Variants in PRKCB observed in about 807,000 individuals in gnomAD.
PRKCB encodes the protein protein kinase C beta.
In PRKCB, 13 loss-of-function variants were observed where a neutral mutation model predicts 81.5. That is an observed-to-expected ratio of 0.16 (90% CI 0.10 to 0.25). The LOEUF (loss-of-function observed/expected upper bound fraction) is 0.25, where lower values mean the gene tolerates loss of function less well. Among genes scored for constraint, PRKCB ranks in the 10% least tolerant of loss-of-function variants. PRKCB has a pLI of 1.00. For synonymous variants in PRKCB, 335 were observed against 321.4 expected (o/e 1.04, Z -0.45); for missense variants, 509 against 875.7 (o/e 0.58, Z 5.29).
Position 23,875,525 on chromosome 16 carries a change from A to ATG in PRKCB, c.205+38123_205+38124dup, listed in dbSNP as rs1474709565. On this transcript the variant is annotated intron_variant, in intron 2 of 16. Transcript: ENST00000643927. ...TATATATGATGTATATCACACACATATGTGTATATCACACACATATGTATG... is the reference window on the plus strand; with the variant it reads ...TATATATGATGTATATCACACACATATGTGTGTATATCACACACATATGTATG... 9.0e-3 allele frequency among the ~76,000 whole-genome samples: 810 copies of ATG among 90,174 alleles called. 4 individuals carry two copies. Among genetic ancestry groups the ATG allele is most frequent in the South Asian group, 0.05 (62 of 1,246 alleles). The allele number at this position is 90,174 out of a possible 152,430, so 59.2% of individuals were successfully genotyped here. A position where few individuals can be genotyped will look rare whatever the true frequency, so the allele number is the denominator to read the frequency against.
rs78964841 is a variant in PRKCB at position 24,117,239 on chromosome 16, A to C, written c.918+4170A>C. On this transcript the variant is annotated intron_variant, in intron 8 of 16. Coordinates refer to ENST00000643927, the MANE Select transcript of PRKCB (RefSeq NM_002738.7). ...CTTATCTGGAGGAATTCTGAGTGAC[A>C]GTAAAATCGAGCTGCTAGAATTGGG... 9.0e-3 allele frequency among the ~76,000 whole-genome samples: 1,374 copies of C among 152,338 alleles called. 14 individuals carry two copies. Among genetic ancestry groups the C allele is most frequent in the African/African-American group, 0.031 (1,307 of 41,572 alleles).
intron 7 of PRKCB, among the ~76,000 whole-genome samples, chr16:24,110,414 A>G (rs1284314030): frequency 6.7e-6 from 1 of 149,808 alleles, no homozygotes; most frequent in Admixed American, 6.7e-5. Flanking sequence ...GGGTTTCACC[A>G]TGTTGGCCAG....
At chr16:23,966,747 A>T (rs559045387) in intron 2 of PRKCB, among the ~76,000 whole-genome samples, 1 of 152,242 alleles carries the variant, frequency 6.6e-6, no homozygotes, top group South Asian at 2.1e-4. Context: ...CTGAAAGGGG[A>T]ACTATTCCTT....
intron 10 of PRKCB, among the ~76,000 whole-genome samples, chr16:24,157,003 G>C (rs1004791633): frequency 7.2e-6 from 1 of 138,598 alleles, no homozygotes; most frequent in Non-Finnish European, 1.6e-5. Flanking sequence ...GGTGACTAAT[G>C]TTCATTGTAG....
intron 12 of PRKCB, among the ~76,000 whole-genome samples, chr16:24,175,596 A>C (rs1967516632): frequency 6.6e-6 from 1 of 151,746 alleles, no homozygotes; most frequent in Non-Finnish European, 1.5e-5. Context: ...TTCTGTAGAG[A>C]GCATGATGAT....
At chr16:24,078,046 C>T (rs1049277958) in intron 5 of PRKCB, among the ~76,000 whole-genome samples, 1 of 151,938 alleles carries the variant, frequency 6.6e-6, no homozygotes, top group African/African-American at 2.4e-5. Flanking sequence ...GAGCAGATTG[C>T]GGGGCTTCTG....
chr16:23,938,247 A>G (rs1340189686), intron 2 of PRKCB, among the ~76,000 whole-genome samples: 1 of 152,228 alleles, frequency 6.6e-6, no homozygotes, highest in Non-Finnish European at 1.5e-5. Flanking sequence ...GGGAAATGTT[A>G]TCATCTACAT....
intron 2 of PRKCB, among the ~76,000 whole-genome samples, chr16:23,843,665 C>T (rs1314482287): frequency 1.3e-5 from 2 of 151,736 alleles, no homozygotes; most frequent in East Asian, 3.9e-4. Context: ...CTTTGAAAAT[C>T]TAGCTGATAT....
At position 24,049,385 on chromosome 16, in the gene PRKCB, C is replaced by T. The variant is rs149514899; in HGVS notation, c.529+13838C>T. On this transcript the variant is annotated intron_variant, in intron 5 of 16. Coordinates refer to ENST00000643927, the MANE Select transcript of PRKCB (RefSeq NM_002738.7). ...ACTACCCTGGCACACCCGGGACCTG[C>T]ACCCTTAACCACTACCCTGGCACAT... 7.7e-5 allele frequency among the ~76,000 whole-genome samples: 11 copies of T among 143,602 alleles called. 1 individual carries two copies. The highest frequency in any genetic ancestry group is 4.2e-4 in the East Asian group (2 of 4,780). 94.2% of individuals were successfully genotyped at this position (143,602 alleles called of 152,430 possible). A position where few individuals can be genotyped will look rare whatever the true frequency, so the allele number is the denominator to read the frequency against.
chr16:24,025,141 C>A (rs1343709708), intron 3 of PRKCB, among the ~76,000 whole-genome samples: 1 of 152,226 alleles, frequency 6.6e-6, no homozygotes, highest in Non-Finnish European at 1.5e-5. Context: ...TCCTGTCTCT[C>A]ATCTGGCTCT....
chr16:24,052,464 TC>T (rs1480299481), intron 5 of PRKCB, among the ~76,000 whole-genome samples: 1 of 152,198 alleles, frequency 6.6e-6, no homozygotes, highest in African/African-American at 2.4e-5. Context: ...GCATGGCTAC[TC>T]CACAGGCAGA....
chr16:24,035,370 C>T lies in PRKCB; in HGVS notation c.401-49C>T, dbSNP rs778572429. 15 of 1,594,836 alleles carry T rather than the reference C, an allele frequency of 9.4e-6. No homozygotes were observed. In the East Asian group the frequency reaches 3.4e-4, roughly 36 times the overall value. On this transcript the variant is annotated intron_variant, in intron 4 of 16. Transcript: ENST00000643927. ...CTTGGGTGGGGCAGATGTCTGCAGC[C>T]CCCAGCCTGGGCCAGCCTAAGCCAC...
At position 24,136,096 on chromosome 16, in the gene PRKCB, G is replaced by GT. The variant is rs1555498950; in HGVS notation, c.1065+12132dup. Among the ~76,000 whole-genome samples, 627 of 118,068 alleles carry GT rather than the reference G, an allele frequency of 5.3e-3. 2 individuals carry two copies. Among genetic ancestry groups the GT allele is most frequent in the East Asian group, 0.012 (53 of 4,396 alleles). The allele number at this position is 118,068 out of a possible 152,430, so 77.5% of individuals were successfully genotyped here. On this transcript the variant is annotated intron_variant, in intron 9 of 16. Coordinates refer to ENST00000643927, the MANE Select transcript of PRKCB (RefSeq NM_002738.7). ...TCATATGCAATTCTGATTGCAGCGTGTTTTTTTTTTTTTTTTTGCCAACTC... is the reference window on the plus strand; with the variant it reads ...TCATATGCAATTCTGATTGCAGCGTGTTTTTTTTTTTTTTTTTTGCCAACTC...
chr16:24,160,226 T>C (rs73550956), intron 10 of PRKCB, among the ~76,000 whole-genome samples: 4,475 of 148,140 alleles, frequency 0.03, 237 homozygotes, highest in African/African-American at 0.1. Context: ...CTATGGAAGT[T>C]ACTCCGCTTA....
At chr16:23,881,966 C>CT (rs1308564256) in intron 2 of PRKCB, among the ~76,000 whole-genome samples, 1 of 16,360 alleles carries the variant, frequency 6.1e-5, no homozygotes, top group Non-Finnish European at 1.7e-4. Context: ...TTTTCTTTTC[C>CT]TTTCTTTCTT....
chr16:24,193,464 T>TAAATAAAAA (rs375658046), intron 16 of PRKCB, among the ~76,000 whole-genome samples: 70 of 96,248 alleles, frequency 7.3e-4, no homozygotes, highest in East Asian at 2.0e-3. Context: ...AATAAATAAA[T>TAAATAAAAA]AAATAAATAA....
chr16:23,890,555 G>C (rs1339408989), intron 2 of PRKCB, among the ~76,000 whole-genome samples: 1 of 152,152 alleles, frequency 6.6e-6, no homozygotes, highest in Non-Finnish European at 1.5e-5. Flanking sequence ...TTCCAACCGG[G>C]CTTTTCATCT....
At chr16:24,008,838 G>C (rs530081768) in intron 3 of PRKCB, among the ~76,000 whole-genome samples, 1 of 152,108 alleles carries the variant, frequency 6.6e-6, no homozygotes, top group African/African-American at 2.4e-5. Context: ...ATGCCCATTG[G>C]TAAGTAATTC....
chr16:24,175,293 G>A (rs1243792457), intron 12 of PRKCB, among the ~76,000 whole-genome samples: 1 of 152,006 alleles, frequency 6.6e-6, no homozygotes, highest in Non-Finnish European at 1.5e-5. Context: ...TTTGGCATGG[G>A]TGGGGGTCTA....
Sources: allele counts gnomAD v4.1 joint callset (sites outside exome capture counted in the v4.1 genomes callset), GRCh38; gene constraint gnomAD v4.1.1; transcripts MANE v1.5; gene names NCBI Gene and HGNC (gene_info 2026-07-23, HGNC 2026-07-21).